The following SLC9C1 variants were observed in gnomAD, a reference collection of about 807,000 sequenced individuals.
The protein encoded by SLC9C1 is solute carrier family 9 member C1, also known as sodium/hydrogen exchanger 10.
SLC9C1 carries 97 observed loss-of-function variants against 140.9 expected under a neutral mutation model. The ratio of observed to expected loss-of-function variants is 0.69; its 90% CI spans 0.58 to 0.82. The LOEUF is 0.82. SLC9C1 is among the 40% of genes least tolerant of loss of function. The probability of loss-of-function intolerance (pLI) is 0.00; values close to 1 mark genes in which losing one functional copy is unlikely to be tolerated. For synonymous variants in SLC9C1, 440 were observed against 442.6 expected (o/e 0.99, Z 0.07); for missense variants, 1,340 against 1,389.3 (o/e 0.96, Z 0.56).
intron 26 of SLC9C1, among the ~76,000 whole-genome samples, chr3:112,156,076 G>A (rs993722152): frequency 2.6e-5 from 4 of 151,772 alleles, no homozygotes; most frequent in African/African-American, 7.3e-5. Flanking sequence ...TATGATTACC[G>A]TACTATTGAA....
intron 10 of SLC9C1, among the ~76,000 whole-genome samples, chr3:112,262,130 T>G (rs967495970): frequency 6.6e-6 from 1 of 151,896 alleles, no homozygotes; most frequent in Non-Finnish European, 1.5e-5. Context: ...AAGCTGAAAA[T>G]TTCAGAACCT....
intron 15 of SLC9C1, among the ~76,000 whole-genome samples, chr3:112,214,978 G>A (rs1057211237): frequency 2.2e-4 from 34 of 152,216 alleles, no homozygotes; most frequent in Admixed American, 7.2e-4. Context: ...CTGGCAAACC[G>A]AATCCAGCAG....
At chr3:112,237,957 G>C (rs2079036731) in intron 12 of SLC9C1, among the ~76,000 whole-genome samples, 1 of 152,076 alleles carries the variant, frequency 6.6e-6, no homozygotes, top group South Asian at 2.1e-4. Context: ...TTCTCGAGAA[G>C]TATCTTTGTG....
At chr3:112,233,842 GGTGTATAT>G (rs1316072057) in intron 12 of SLC9C1, among the ~76,000 whole-genome samples, 1 of 151,984 alleles carries the variant, frequency 6.6e-6, no homozygotes, top group Non-Finnish European at 1.5e-5. Flanking sequence ...AGTATTCCAT[GGTGTATAT>G]GTGCCACGTT....
intron 13 of SLC9C1, among the ~76,000 whole-genome samples, chr3:112,230,515 G>A (rs12634769): frequency 0.59 from 89,946 of 151,990 alleles, 27,130 homozygotes; most frequent in East Asian, 0.79. Flanking sequence ...CTCATGGCAC[G>A]GCCTCAATTG....
intron 6 of SLC9C1, among the ~76,000 whole-genome samples, chr3:112,271,393 G>GTGTATATATATATATATATA (rs142798462): frequency 8.0e-4 from 101 of 125,580 alleles, no homozygotes; most frequent in African/African-American, 2.5e-3. Flanking sequence ...ATTCTACATT[G>GTGTATATATATATATATATA]TATATATATA....
intron 10 of SLC9C1, among the ~76,000 whole-genome samples, chr3:112,252,448 G>T (rs1268533056): frequency 6.6e-6 from 1 of 152,068 alleles, no homozygotes; most frequent in Non-Finnish European, 1.5e-5. Flanking sequence ...AAGCATGGTG[G>T]CCTTTAGGCT....
At chr3:112,253,950 C>G (rs2079534983) in intron 10 of SLC9C1, among the ~76,000 whole-genome samples, 1 of 152,012 alleles carries the variant, frequency 6.6e-6, no homozygotes, top group African/African-American at 2.4e-5. Flanking sequence ...AAGGTTATTG[C>G]CAGTATTAAC....
chr3:112,150,853 T>TGAGATGAAGTCTCACTCTG (rs2074954499), intron 28 of SLC9C1, among the ~76,000 whole-genome samples: 1 of 129,788 alleles, frequency 7.7e-6, no homozygotes, highest in Non-Finnish European at 1.6e-5. Flanking sequence ...TTTTTTTTTT[T>TGAGATGAAGTCTCACTCTG]TTGAGATGAA....
chr3:112,258,964 A>T (rs555696734), intron 10 of SLC9C1, among the ~76,000 whole-genome samples: 1 of 152,152 alleles, frequency 6.6e-6, no homozygotes, highest in East Asian at 1.9e-4. Context: ...ACCAGATCTC[A>T]TGAGAACTCA....
At chr3:112,233,166 T>A (rs1317675943) in intron 12 of SLC9C1, among the ~76,000 whole-genome samples, 2 of 151,568 alleles carry the variant, frequency 1.3e-5, no homozygotes, top group Non-Finnish European at 2.9e-5. Flanking sequence ...CCTCCCAGGC[T>A]TGAGTGATCT....
intron 27 of SLC9C1, among the ~76,000 whole-genome samples, chr3:112,154,157 A>G (rs552899416): frequency 1.3e-5 from 2 of 152,338 alleles, no homozygotes; most frequent in South Asian, 4.1e-4. Flanking sequence ...TAAAATATGT[A>G]TTTAACAACT....
At chr3:112,183,370 T>TTTTTTTTTTTTTTTTTC (rs1560039720) in intron 20 of SLC9C1, among the ~76,000 whole-genome samples, 1 of 128,920 alleles carries the variant, frequency 7.8e-6, no homozygotes, top group Admixed American at 8.0e-5. Context: ...TTTTTTTTTT[T>TTTTTTTTTTTTTTTTTC]CAGCCAATCA....
At chr3:112,175,283 G>A (rs2077315013) in intron 23 of SLC9C1, among the ~76,000 whole-genome samples, 1 of 152,178 alleles carries the variant, frequency 6.6e-6, no homozygotes, top group Non-Finnish European at 1.5e-5. Context: ...TGAGTGGAGG[G>A]TGCGAAACAG....
chr3:112,263,172 A>G, intron 9 of SLC9C1, 74 bp from the exon 10 acceptor site: 1 of 1,258,982 alleles, frequency 7.9e-7, no homozygotes, highest in Non-Finnish European at 1.1e-6. Flanking sequence ...ACTCTATTCT[A>G]ATCTACTCCC....
At chr3:112,283,858 A>G (rs886349129) in intron 2 of SLC9C1, among the ~76,000 whole-genome samples, 2 of 151,944 alleles carry the variant, frequency 1.3e-5, no homozygotes, top group African/African-American at 2.4e-5. Context: ...AAAAAAAAAA[A>G]AAGATGGGCA....
At chr3:112,221,025 G>T in intron 14 of SLC9C1, 103 bp downstream of exon 14, 2 of 841,050 alleles carry the variant, frequency 2.4e-6, no homozygotes, top group Non-Finnish European at 3.8e-6. Flanking sequence ...AATATTAATA[G>T]TAGAGGGAGC....
intron 1 of SLC9C1, among the ~76,000 whole-genome samples, chr3:112,289,328 T>C (rs909490108): frequency 2.0e-5 from 3 of 152,158 alleles, no homozygotes; most frequent in African/African-American, 7.2e-5. Flanking sequence ...TTTGTCTGGG[T>C]AATTTTGGAA....
At chr3:112,282,480 C>T (rs943817435) in intron 2 of SLC9C1, among the ~76,000 whole-genome samples, 1 of 152,202 alleles carries the variant, frequency 6.6e-6, no homozygotes, top group African/African-American at 2.4e-5. Flanking sequence ...GAAAGCTTCA[C>T]CAGAGAGTTC....
Sources: allele counts gnomAD v4.1 joint callset (sites outside exome capture counted in the v4.1 genomes callset), GRCh38; gene constraint gnomAD v4.1.1; transcripts MANE v1.5; gene names NCBI Gene and HGNC (gene_info 2026-07-23, HGNC 2026-07-21).